The following EXOSC7 variants were observed in gnomAD, a reference collection of about 807,000 sequenced individuals.
The protein encoded by EXOSC7 is exosome component 7.
Under a neutral mutation model 34.3 loss-of-function variants are expected in EXOSC7, and 25 were observed. That is an observed-to-expected ratio of 0.73 (90% CI 0.53 to 1.02). The LOEUF (loss-of-function observed/expected upper bound fraction) is 1.02, where lower values mean the gene tolerates loss of function less well. EXOSC7 is among the 50% of genes least tolerant of loss of function. EXOSC7 has a pLI of 0.00. For missense variants in EXOSC7, 370 were observed against 368.5 expected (o/e 1.00, Z -0.03); for synonymous variants, 130 against 143.0 (o/e 0.91, Z 0.65).
intron 3 of EXOSC7, 116 bp downstream of exon 3, chr3:44,989,760 C>A: frequency 1.3e-6 from 1 of 780,828 alleles, no homozygotes. Flanking sequence ...TTCAGCCATC[C>A]AGCAGGCATT....
chr3:44,998,070 C>G (rs1706775497), intron 4 of EXOSC7, among the ~76,000 whole-genome samples: 1 of 140,656 alleles, frequency 7.1e-6, no homozygotes, highest in Non-Finnish European at 1.5e-5. Context: ...GAGTCTTGCT[C>G]TGTCACCCAG....
intron 7 of EXOSC7, among the ~76,000 whole-genome samples, chr3:45,010,321 C>T (rs1159396794): frequency 6.6e-6 from 1 of 152,172 alleles, no homozygotes; most frequent in Non-Finnish European, 1.5e-5. Context: ...AGTCACAGCT[C>T]ACTGCAGCCG....
intron 1 of EXOSC7, chr3:44,977,229 G>C (rs1353613616): frequency 1.3e-5 from 2 of 152,296 alleles, no homozygotes; most frequent in African/African-American, 4.8e-5. Context: ...CTCCGGCTGT[G>C]TCTCCACTTG....
intron 1 of EXOSC7, among the ~76,000 whole-genome samples, chr3:44,984,629 AG>A (rs1358275908): frequency 6.6e-6 from 1 of 152,248 alleles, no homozygotes; most frequent in Non-Finnish European, 1.5e-5. Context: ...CTCTGACTTG[AG>A]GCTTAAGTGC....
intron 6 of EXOSC7, 64 bp downstream of exon 6, chr3:45,005,478 T>A: frequency 6.6e-7 from 1 of 1,523,808 alleles, no homozygotes; most frequent in Non-Finnish European, 9.0e-7. Flanking sequence ...AATCCCAACC[T>A]GCTGAGGTTA....
chr3:45,007,323 C>T (rs1707076282), intron 6 of EXOSC7, 97 bp from the exon 7 acceptor site: 12 of 1,310,904 alleles, frequency 9.2e-6, no homozygotes, highest in Non-Finnish European at 1.3e-5. Context: ...AGTGCAAATA[C>T]TTTTGCCTGG....
At chr3:45,005,150 A>G (rs1706997015) in intron 5 of EXOSC7, 141 bp from the exon 6 acceptor site, 1 of 936,990 alleles carries the variant, frequency 1.1e-6, no homozygotes, top group Non-Finnish European at 1.6e-6. Flanking sequence ...GACAGGGATG[A>G]CAGGGATGAG....
intron 7 of EXOSC7, among the ~76,000 whole-genome samples, chr3:45,007,889 C>T (rs1046198679): frequency 6.6e-6 from 1 of 152,184 alleles, no homozygotes; most frequent in African/African-American, 2.4e-5. Context: ...CTCGTAACTC[C>T]AAAAGTGCAG....
intron 6 of EXOSC7, among the ~76,000 whole-genome samples, chr3:45,006,803 A>G (rs915015768): frequency 1.5e-5 from 1 of 65,290 alleles, no homozygotes; most frequent in Admixed American, 1.4e-4. Flanking sequence ...CAACCCCCCC[A>G]CCCGCCCCGG....
intron 1 of EXOSC7, chr3:44,976,971 C>A (rs1011137602): frequency 6.6e-6 from 1 of 151,948 alleles, no homozygotes; most frequent in Non-Finnish European, 1.5e-5. Flanking sequence ...CCCAGCTACT[C>A]GGGAGACTGA....
intron 7 of EXOSC7, among the ~76,000 whole-genome samples, chr3:45,009,266 C>T (rs1707138464): frequency 6.6e-6 from 1 of 152,174 alleles, no homozygotes; most frequent in Admixed American, 6.5e-5. Context: ...GTGGCCCTGT[C>T]TTACTGTTTA....
intron 4 of EXOSC7, among the ~76,000 whole-genome samples, chr3:45,000,752 C>T (rs770452876): frequency 5.3e-5 from 8 of 152,186 alleles, no homozygotes; most frequent in Non-Finnish European, 8.8e-5. Flanking sequence ...CAGTAGCCAC[C>T]GTTTTCTCCT....
chr3:45,007,666 A>G, intron 7 of EXOSC7, 91 bp downstream of exon 7: 2 of 1,358,024 alleles, frequency 1.5e-6, no homozygotes. Flanking sequence ...GATTCTCCCC[A>G]TTCACAGCCT....
At chr3:44,990,312 G>A (rs1158355004) in intron 3 of EXOSC7, among the ~76,000 whole-genome samples, 1 of 152,212 alleles carries the variant, frequency 6.6e-6, no homozygotes, top group African/African-American at 2.4e-5. Context: ...ACCTAGCACA[G>A]TGACTGACTT....
chr3:44,979,752 C>G (rs997556210), intron 1 of EXOSC7, among the ~76,000 whole-genome samples: 1 of 152,046 alleles, frequency 6.6e-6, no homozygotes, highest in Non-Finnish European at 1.5e-5. Context: ...GAAAGAAACT[C>G]TAGTTCTTTT....
Position 44,994,264 on chromosome 3 carries a change from AT to A in EXOSC7, c.255-2822del, listed in dbSNP as rs370952333. 1.2e-4 allele frequency among the ~76,000 whole-genome samples: 13 copies of A among 109,208 alleles called. 1 individual carries two copies. Among genetic ancestry groups the A allele is most frequent in the East Asian group, 7.0e-4 (1 of 1,432 alleles). The allele number at this position is 109,208 out of a possible 152,430, so 71.6% of individuals were successfully genotyped here. Reference sequence around the variant, plus strand: ...AAACATTAAAAAAAAAAAAAAAAAGATAAGGTCTCCCTTCTTGTAAAATGAG... The same window carrying A: ...AAACATTAAAAAAAAAAAAAAAAAGAAAGGTCTCCCTTCTTGTAAAATGAG... On this transcript the variant is annotated intron_variant, in intron 3 of 7. Transcript: ENST00000265564.
rs1195487364 is a variant in EXOSC7, at chr3:44,989,626, T to C, written c.236T>C (p.Leu79Ser). The C allele has an allele frequency of 6.2e-7, 1 of 1,613,240 alleles. No homozygotes were observed. The highest frequency in any genetic ancestry group is 1.7e-5 in the Admixed American group (1 of 60,010). The change falls in exon 3 of 8, where the codon TTG becomes TCG. Residue 79 changes from leucine (L) to serine (S), a missense_variant. By Grantham distance (145) the Leu-to-Ser change is moderately radical (BLOSUM62 -2). This residue lies in a region of EXOSC7 where 20 missense variants were observed against 42.2 expected (regional missense o/e 0.47). Coordinates refer to ENST00000265564, the MANE Select transcript of EXOSC7 (RefSeq NM_015004.4). ...CTGGAGAAACCAAATGAAGGCTACT[T>C]GGAGTTCTTTGTTGACTGGTCAGTA... ...PKLEKPNEGY[L>S]EFFVDCSASA...
intron 1 of EXOSC7, among the ~76,000 whole-genome samples, chr3:44,984,727 A>T (rs78827532): frequency 2.6e-5 from 4 of 152,344 alleles, no homozygotes; most frequent in Admixed American, 2.6e-4. Context: ...GAATAACACT[A>T]TCGTATAGGA....
intron 7 of EXOSC7, 24 bp downstream of exon 7, chr3:45,007,599 G>T (rs747701610): frequency 8.3e-6 from 13 of 1,575,634 alleles, no homozygotes; most frequent in Non-Finnish European, 1.0e-5. Context: ...TCTGAGGAAG[G>T]TGCAGGGACC....
Sources: allele counts gnomAD v4.1 joint callset (sites outside exome capture counted in the v4.1 genomes callset), GRCh38; gene constraint gnomAD v4.1.1; regional missense constraint gnomAD v4.1.1; transcripts MANE v1.5; gene names NCBI Gene and HGNC (gene_info 2026-07-23, HGNC 2026-07-21).